The following JAK1 variants were observed in gnomAD, a reference collection of about 807,000 sequenced individuals.
JAK1 encodes the protein Janus kinase 1.
Under a neutral mutation model 136.6 loss-of-function variants are expected in JAK1, and 16 were observed. The observed-to-expected ratio is 0.12, with a 90% CI of 0.08 to 0.18. The LOEUF is 0.18. JAK1 is among the 10% of genes least tolerant of loss of function. The pLI, the probability that JAK1 is intolerant of heterozygous loss-of-function variation, is 1.00. For missense variants in JAK1, 859 were observed against 1,450.1 expected, an observed-to-expected ratio of 0.59 and a Z score of 6.62; for synonymous variants, 492 against 519.5, an observed-to-expected ratio of 0.95 and a Z score of 0.72.
Position 64,928,778 on chromosome 1 carries a change from C to CAAA in JAK1, c.-78+37552_-78+37554dup, listed in dbSNP as rs1183218798. On this transcript the variant is annotated intron_variant, in intron 1 of 24. Transcript: ENST00000342505. ...AGGTTCTGAGTGCTATAAAACTCTG[C>CAAA]AAAAAAAAAAAAAAAAAACAAAAAA... is the stretch of plus-strand genomic sequence containing the variant. Among the ~76,000 whole-genome samples, 17 of 61,138 alleles carry CAAA rather than the reference C, an allele frequency of 2.8e-4. 1 individual carries two copies. Among genetic ancestry groups the CAAA allele is most frequent in the African/African-American group, 6.8e-4 (12 of 17,558 alleles). 40.1% of individuals were successfully genotyped at this position (61,138 alleles called of 152,430 possible).
At chr1:64,986,447 A>C (rs1054035206) in intron 2 of JAK1, among the ~76,000 whole-genome samples, 1 of 152,090 alleles carries the variant, frequency 6.6e-6, no homozygotes, top group South Asian at 2.1e-4. Context: ...AAGATCTAGG[A>C]GTGTGATTCC....
intron 2 of JAK1, among the ~76,000 whole-genome samples, chr1:65,021,016 G>T (rs1646933065): frequency 6.6e-6 from 1 of 152,122 alleles, no homozygotes; most frequent in South Asian, 2.1e-4. Context: ...GCATACAAAG[G>T]GGATAAATAC....
chr1:64,946,224 G>T (rs2100550263), intron 1 of JAK1, among the ~76,000 whole-genome samples: 1 of 152,352 alleles, frequency 6.6e-6, no homozygotes, highest in South Asian at 2.1e-4. Flanking sequence ...TCACACAGTG[G>T]TCGTCTTCTA....
intron 5 of JAK1, among the ~76,000 whole-genome samples, chr1:64,872,915 C>T (rs778419876): frequency 1.3e-5 from 2 of 152,194 alleles, no homozygotes; most frequent in East Asian, 1.9e-4. Flanking sequence ...TCTACCTTCT[C>T]TTTTGTTTTT....
chr1:65,038,780 A>G (rs750564414), intron 2 of JAK1, among the ~76,000 whole-genome samples: 27 of 152,152 alleles, frequency 1.8e-4, no homozygotes, highest in Non-Finnish European at 3.5e-4. Flanking sequence ...CTGGGATTAC[A>G]GGTGCCCACC....
intron 2 of JAK1, among the ~76,000 whole-genome samples, chr1:65,005,500 A>G (rs58440239): frequency 0.011 from 1,636 of 152,312 alleles, 35 homozygotes; most frequent in African/African-American, 0.037. Flanking sequence ...GCATACGGGT[A>G]ACAATAATTT....
intron 1 of JAK1, among the ~76,000 whole-genome samples, chr1:64,915,905 A>AG (rs1342080480): frequency 6.6e-6 from 1 of 152,076 alleles, no homozygotes; most frequent in Non-Finnish European, 1.5e-5. Context: ...TACAGCCTTC[A>AG]CCCTCTTCCC....
At chr1:64,891,111 C>A (rs1644928663) in intron 1 of JAK1, among the ~76,000 whole-genome samples, 1 of 151,758 alleles carries the variant, frequency 6.6e-6, no homozygotes, top group African/African-American at 2.4e-5. Flanking sequence ...AAACTGATTA[C>A]AGCTTGATGA....
intron 2 of JAK1, among the ~76,000 whole-genome samples, chr1:65,043,313 T>C (rs941461766): frequency 1.9e-4 from 29 of 152,196 alleles, no homozygotes; most frequent in Non-Finnish European, 1.3e-4. Context: ...CAAGGTCTCC[T>C]AGCTAGGAAG....
intron 1 of JAK1, among the ~76,000 whole-genome samples, chr1:64,928,981 T>C (rs964400614): frequency 2.2e-4 from 33 of 152,198 alleles, no homozygotes; most frequent in African/African-American, 6.5e-4. Context: ...CTCTTGCCAA[T>C]TCTAAGCTTA....
chr1:65,013,614 A>C (rs1224981790), intron 2 of JAK1, among the ~76,000 whole-genome samples: 1 of 152,156 alleles, frequency 6.6e-6, no homozygotes, highest in African/African-American at 2.4e-5. Flanking sequence ...TCAAGCCACA[A>C]ATTTCATTTA....
At chr1:64,868,763 G>A (rs1222863547) in intron 6 of JAK1, among the ~76,000 whole-genome samples, 1 of 152,236 alleles carries the variant, frequency 6.6e-6, no homozygotes, top group Non-Finnish European at 1.5e-5. Context: ...GGATGTCATA[G>A]ATGGACAGAA....
chr1:64,974,173 T>C (rs547524490), intron 2 of JAK1: 2 of 152,260 alleles, frequency 1.3e-5, no homozygotes, highest in East Asian at 3.9e-4. Flanking sequence ...CCTAAAATCA[T>C]TGCTTGAGAA....
intron 4 of JAK1, chr1:64,876,507 T>C (rs1268106214): frequency 2.0e-5 from 3 of 152,156 alleles, no homozygotes; most frequent in East Asian, 3.9e-4. Context: ...GAGCCTAAAA[T>C]AAGGCCGGCA....
intron 2 of JAK1, among the ~76,000 whole-genome samples, chr1:65,020,115 C>T (rs1438942428): frequency 6.7e-6 from 1 of 148,494 alleles, no homozygotes; most frequent in East Asian, 2.0e-4. Context: ...ATCCTAGCTA[C>T]ATGGGAGGCT....
At position 64,883,442 on chromosome 1, in the gene JAK1, C is replaced by G. The variant is rs754269005; in HGVS notation, c.40G>C (p.Ala14Pro). The G allele has an allele frequency of 1.9e-6, 3 of 1,614,108 alleles. No homozygotes were observed. The Admixed American group carries it at 5.0e-5, about 27-fold the overall frequency. ...LNIKEDCNAM[A>P]FCAKMRSSKK... ...GAGCTCCTCATTTTAGCACAGAAAGCCATGGCATTGCAGTCCTCTTTTATA... is the reference window on the plus strand; with the variant it reads ...GAGCTCCTCATTTTAGCACAGAAAGGCATGGCATTGCAGTCCTCTTTTATA... Residue 14 changes from alanine (A) to proline (P), a missense_variant, in exon 3 of 25, where the codon GCT (alanine) becomes CCT (proline). By Grantham distance (27) the Ala-to-Pro change is conservative. Around this residue, in one of 4 missense-constraint regions of JAK1, gnomAD observed 353 missense variants for 494.0 expected, o/e 0.71. Coordinates refer to ENST00000342505, the MANE Select transcript of JAK1 (RefSeq NM_002227.4).
At chr1:64,919,152 G>C (rs756403113) in intron 1 of JAK1, among the ~76,000 whole-genome samples, 1 of 152,124 alleles carries the variant, frequency 6.6e-6, no homozygotes, top group South Asian at 2.1e-4. Context: ...ATCTCCTAAC[G>C]CTATCCCTCC....
At chr1:64,839,155 A>G in intron 20 of JAK1, among the ~76,000 whole-genome samples, 1 of 151,646 alleles carries the variant, frequency 6.6e-6, no homozygotes, top group Non-Finnish European at 1.5e-5. Context: ...CAAAAAAAAA[A>G]AAAAAAAAAA....
intron 2 of JAK1, among the ~76,000 whole-genome samples, chr1:64,987,851 G>A (rs1265365473): frequency 6.6e-6 from 1 of 152,176 alleles, no homozygotes; most frequent in Non-Finnish European, 1.5e-5. Flanking sequence ...TGGACTGTCT[G>A]GAGATAACAT....
Sources: allele counts gnomAD v4.1 joint callset (sites outside exome capture counted in the v4.1 genomes callset), GRCh38; gene constraint gnomAD v4.1.1; regional missense constraint gnomAD v4.1.1; transcripts MANE v1.5; gene names NCBI Gene and HGNC (gene_info 2026-07-23, HGNC 2026-07-21).